Variants in GK5 observed in about 807,000 individuals in gnomAD.
The protein encoded by GK5 is ATP:glycerol 3-phosphotransferase 5.
In GK5, 39 loss-of-function variants were observed where a neutral mutation model predicts 77.3. The observed-to-expected ratio is 0.50, with a 90% CI of 0.39 to 0.66. The LOEUF is 0.66. Among genes scored for constraint, GK5 ranks in the 30% least tolerant of loss-of-function variants. GK5 has a pLI of 0.00. For missense variants in GK5, 487 were observed against 633.8 expected (o/e 0.77, Z 2.49); for synonymous variants, 211 against 208.0 (o/e 1.01, Z -0.13).
intron 1 of GK5, among the ~76,000 whole-genome samples, chr3:142,216,483 C>T (rs1177287010): frequency 6.6e-6 from 1 of 152,030 alleles, no homozygotes; most frequent in African/African-American, 2.4e-5. Context: ...GGTAAAACTT[C>T]CTCTCCAATC....
intron 5 of GK5, among the ~76,000 whole-genome samples, chr3:142,196,441 T>C (rs988187654): frequency 6.6e-6 from 1 of 152,136 alleles, no homozygotes; most frequent in Non-Finnish European, 1.5e-5. Flanking sequence ...TATACTCTTC[T>C]ACATGTAATA....
At chr3:142,191,435 T>A (rs913749625) in intron 5 of GK5, among the ~76,000 whole-genome samples, 9 of 152,120 alleles carry the variant, frequency 5.9e-5, no homozygotes, top group Non-Finnish European at 1.3e-4. Context: ...CTAGGTGCGA[T>A]AGCTCACACC....
Position 142,187,633 on chromosome 3 carries a change from T to G in GK5, c.619+71A>C, listed in dbSNP as rs762976782. On this transcript the variant is annotated intron_variant, in intron 6 of 15. Transcript: ENST00000392993. The stretch of plus-strand genomic sequence containing the variant: ...AAAAAAAAAAAAAAGTAACTTCTAC[T>G]TTTTTTAGGCAAATCATTTCTCTTG... The G allele has an allele frequency of 2.6e-6, 3 of 1,175,892 alleles. No individual in the cohort carries two copies. The Admixed American group carries it at 6.4e-5, about 25-fold the overall frequency. The allele number at this position is 1,175,892 out of a possible 1,614,324, so 72.8% of individuals were successfully genotyped here.
Position 142,170,956 on chromosome 3 carries a change from C to T in GK5, c.1307+463G>A, listed in dbSNP as rs570019802. Among the ~76,000 whole-genome samples the T allele has an allele frequency of 1.4e-4, 21 of 152,090 alleles. No homozygotes were observed. In the South Asian group the frequency reaches 1.5e-3, roughly 11 times the overall value. ...CCAAGAATTTTGTTGTAGCTGGGCG[C>T]GTTGGCTCACACCTGTAATCCCAGC... On this transcript the variant is annotated intron_variant, in intron 14 of 15. Transcript: ENST00000392993.
intron 12 of GK5, 80 bp from the exon 13 acceptor site, chr3:142,172,536 A>G (rs2063553060): frequency 6.3e-6 from 4 of 634,300 alleles, no homozygotes; most frequent in Non-Finnish European, 1.1e-5. Flanking sequence ...ATACAACAAC[A>G]ACATAGCCAC....
intron 15 of GK5, among the ~76,000 whole-genome samples, chr3:142,166,979 T>C (rs1311674927): frequency 2.6e-5 from 4 of 152,226 alleles, no homozygotes; most frequent in Non-Finnish European, 5.9e-5. Context: ...GTACATTTTT[T>C]CTTACCAATA....
At position 142,165,504 on chromosome 3, in the gene GK5, T is replaced by C. The variant is rs150565298; in HGVS notation, c.*118A>G. 9.1e-4 allele frequency: 616 copies of C among 678,496 alleles called. 2 individuals are homozygous for C. In the African/African-American group the frequency reaches 0.01, roughly 11 times the overall value. 42.0% of individuals were successfully genotyped at this position (678,496 alleles called of 1,614,324 possible). ...TTTAAAAGCAATGCTTCTTAAGTTATGAAGCTTATTTAAAATTTTCTCCTC... is the reference window on the plus strand; with the variant it reads ...TTTAAAAGCAATGCTTCTTAAGTTACGAAGCTTATTTAAAATTTTCTCCTC... On this transcript the variant is annotated 3_prime_UTR_variant, in exon 16 of 16. Transcript: ENST00000392993.
chr3:142,172,765 TCC>T (rs1172504490), intron 12 of GK5, among the ~76,000 whole-genome samples: 1 of 152,188 alleles, frequency 6.6e-6, no homozygotes, highest in Non-Finnish European at 1.5e-5. Flanking sequence ...ATCACAGCAA[TCC>T]CCCTTCTCCA....
intron 9 of GK5, among the ~76,000 whole-genome samples, chr3:142,184,260 CAA>C (rs1161704184): frequency 1.9e-4 from 2 of 10,684 alleles, no homozygotes; most frequent in Admixed American, 1.2e-3. Context: ...GACTCTGTCT[CAA>C]AAAAAAAAAA....
At chr3:142,209,514 A>C (rs374196911) in intron 3 of GK5, among the ~76,000 whole-genome samples, 312 of 152,326 alleles carry the variant, frequency 2.0e-3, no homozygotes, top group African/African-American at 6.6e-3. Context: ...GGTTTATTTT[A>C]TCTCTATCAA....
intron 1 of GK5, among the ~76,000 whole-genome samples, chr3:142,218,623 TA>T (rs932091538): frequency 4.7e-4 from 71 of 151,634 alleles, no homozygotes; most frequent in African/African-American, 1.6e-3. Context: ...GATCTAAATG[TA>T]AAATGTAAAA....
At chr3:142,211,924 TTTCC>T (rs1055709386) in intron 3 of GK5, among the ~76,000 whole-genome samples, 1 of 152,194 alleles carries the variant, frequency 6.6e-6, no homozygotes, top group African/African-American at 2.4e-5. Context: ...TTTTATCATT[TTTCC>T]TTCTACCTAC....
rs532333986 is a variant in GK5, at chr3:142,208,976, C to T, written c.318-4188G>A. 7.9e-5 allele frequency among the ~76,000 whole-genome samples: 12 copies of T among 152,152 alleles called. No homozygotes were observed. In the East Asian group the frequency reaches 1.7e-3, roughly 22 times the overall value. The stretch of plus-strand genomic sequence containing the variant: ...CATCCTGGCTAACATGGTGAAACCC[C>T]GTCTCTACTAAAAATACAAAAAATT... On this transcript the variant is annotated intron_variant, in intron 3 of 15. Transcript: ENST00000392993.
intron 11 of GK5, among the ~76,000 whole-genome samples, chr3:142,178,839 C>T (rs746314860): frequency 6.6e-6 from 1 of 152,208 alleles, no homozygotes; most frequent in Non-Finnish European, 1.5e-5. Context: ...TAACAGATAA[C>T]TGCCAAATAG....
intron 11 of GK5, among the ~76,000 whole-genome samples, chr3:142,181,028 T>G (rs1015267973): frequency 1.3e-5 from 2 of 152,176 alleles, no homozygotes; most frequent in African/African-American, 4.8e-5. Flanking sequence ...GAACTGACAC[T>G]GGAACCACAG....
chr3:142,184,702 G>C (rs1165178191), intron 9 of GK5: 1 of 187,346 alleles, frequency 5.3e-6, no homozygotes, highest in Non-Finnish European at 1.0e-5. Context: ...CAAGCATGGT[G>C]GTGCACACCT....
intron 3 of GK5, among the ~76,000 whole-genome samples, chr3:142,213,279 T>C (rs2064221378): frequency 6.6e-6 from 1 of 151,930 alleles, no homozygotes; most frequent in Non-Finnish European, 1.5e-5. Context: ...AAAGCTAACT[T>C]ACCCGAAAGA....
At chr3:142,197,442 T>C (rs1385157508) in intron 5 of GK5, among the ~76,000 whole-genome samples, 4 of 152,210 alleles carry the variant, frequency 2.6e-5, no homozygotes, top group Admixed American at 2.0e-4. Flanking sequence ...CTCCAGCTTC[T>C]TACAGTGACT....
At chr3:142,174,788 CA>C (rs1313846615) in intron 12 of GK5, among the ~76,000 whole-genome samples, 1 of 152,154 alleles carries the variant, frequency 6.6e-6, no homozygotes, top group East Asian at 1.9e-4. Context: ...GACTGAAACG[CA>C]AAAGGACAAG....
Sources: gnomAD v4.1 joint callset for allele counts (sites outside exome capture counted in the v4.1 genomes callset) on GRCh38, gnomAD v4.1.1 for gene constraint, MANE v1.5 for transcripts, NCBI Gene and HGNC (gene_info 2026-07-23, HGNC 2026-07-21) for gene names.